Variants in AVEN observed in about 807,000 individuals in gnomAD.
AVEN encodes cell death regulator Aven.
In AVEN, 41 loss-of-function variants were observed where a neutral mutation model predicts 38.1. The ratio of observed to expected loss-of-function variants is 1.08; its 90% confidence interval spans 0.84 to 1.40. The LOEUF (loss-of-function observed/expected upper bound fraction) is 1.40, where lower values mean the gene tolerates loss of function less well. AVEN is among the 40% of genes most tolerant of loss of function. The probability of loss-of-function intolerance (pLI) is 0.00; values close to 1 mark genes in which losing one functional copy is unlikely to be tolerated. For missense variants in AVEN, 605 were observed against 438.8 expected (o/e 1.38, Z -3.38); for synonymous variants, 206 against 171.8 (o/e 1.20, Z -1.56).
intron 1 of AVEN, among the ~76,000 whole-genome samples, chr15:34,024,592 T>C (rs1015895327): frequency 1.3e-5 from 2 of 150,740 alleles, no homozygotes; most frequent in Non-Finnish European, 3.0e-5. Flanking sequence ...GTGGCTCACA[T>C]CTGTAATCCC....
downstream of AVEN, chr15:33,866,140 G>T (rs1597159526): frequency 6.0e-6 from 1 of 168,030 alleles, no homozygotes; most frequent in East Asian, 1.7e-4. Context: ...ACCACTTCTG[G>T]TTGATTCTAC....
intron 5 of AVEN, among the ~76,000 whole-genome samples, chr15:34,052,278 G>C (rs763907718): frequency 6.6e-6 from 1 of 152,004 alleles, no homozygotes; most frequent in African/African-American, 2.4e-5. Flanking sequence ...TGCAGAAAAG[G>C]CTTTGAAAAA....
chr15:33,998,357 G>A (rs1303804706), intron 2 of AVEN, among the ~76,000 whole-genome samples: 2 of 152,144 alleles, frequency 1.3e-5, no homozygotes, highest in African/African-American at 2.4e-5. Context: ...CAAGCATAGT[G>A]GCTGACATCA....
At chr15:33,980,479 T>G (rs1216783409) in intron 2 of AVEN, among the ~76,000 whole-genome samples, 1 of 152,306 alleles carries the variant, frequency 6.6e-6, no homozygotes, top group East Asian at 1.9e-4. Flanking sequence ...GTCCTCTGAT[T>G]TCTCTTGTTG....
chr15:33,925,820 A>AT lies in AVEN; in HGVS notation c.446-49826dup, dbSNP rs1893586600. 2.0e-5 allele frequency among the ~76,000 whole-genome samples: 3 copies of AT among 152,154 alleles called. No individual in the cohort carries two copies. In the South Asian group the frequency reaches 6.2e-4, roughly 31 times the overall value. ...TGGAAAGTTTTTATAATTATATTTT[A>AT]TTTACCTTTAAAGACTGAAATCCTA... On this transcript the variant is annotated intron_variant, in intron 2 of 5. Transcript: ENST00000306730.
intron 1 of AVEN, among the ~76,000 whole-genome samples, chr15:34,037,826 T>C (rs1384409712): frequency 2.0e-5 from 3 of 152,186 alleles, no homozygotes; most frequent in African/African-American, 7.2e-5. Flanking sequence ...TTATCTGCTA[T>C]GCCCTCAAGA....
At chr15:34,054,319 C>T (rs1900048109) in intron 5 of AVEN, among the ~76,000 whole-genome samples, 1 of 152,166 alleles carries the variant, frequency 6.6e-6, no homozygotes. Context: ...CTAGTAATCT[C>T]ATTACTGAGT....
intron 2 of AVEN, among the ~76,000 whole-genome samples, chr15:34,067,799 A>G (rs1029194334): frequency 1.3e-5 from 2 of 152,178 alleles, no homozygotes; most frequent in Non-Finnish European, 2.9e-5. Flanking sequence ...TTCCTTGTCA[A>G]CTATTTAAAG....
At chr15:34,048,211 T>G (rs1215591326) in intron 5 of AVEN, among the ~76,000 whole-genome samples, 1 of 152,226 alleles carries the variant, frequency 6.6e-6, no homozygotes, top group Non-Finnish European at 1.5e-5. Flanking sequence ...GATCCATTCC[T>G]CCTCACTGGG....
intron 2 of AVEN, among the ~76,000 whole-genome samples, chr15:33,903,674 C>A (rs1358258395): frequency 1.3e-5 from 2 of 152,030 alleles, no homozygotes; most frequent in Admixed American, 6.6e-5. Flanking sequence ...TTGTATAGAT[C>A]TTAACTGAAT....
At chr15:33,893,275 A>C (rs1892064743) in intron 2 of AVEN, among the ~76,000 whole-genome samples, 1 of 152,246 alleles carries the variant, frequency 6.6e-6, no homozygotes, top group Non-Finnish European at 1.5e-5. Flanking sequence ...GAGTGGTGAC[A>C]GAGGGCATCC....
At chr15:33,879,621 T>C (rs943938398) in intron 2 of AVEN, among the ~76,000 whole-genome samples, 7 of 152,096 alleles carry the variant, frequency 4.6e-5, no homozygotes, top group African/African-American at 1.7e-4. Flanking sequence ...TCCAACAACC[T>C]TGAATTCTTT....
chr15:33,864,215 G>C, downstream of AVEN: 1 of 1,571,526 alleles, frequency 6.4e-7, no homozygotes, highest in Admixed American at 1.7e-5. Flanking sequence ...TCATATACCC[G>C]TGTTAGATCT....
At chr15:33,862,897 G>C (rs540672456), downstream of AVEN, among the ~76,000 whole-genome samples, 1 of 152,216 alleles carries the variant, frequency 6.6e-6, no homozygotes, top group East Asian at 1.9e-4. Context: ...AATTAGAGGC[G>C]TGAGCCATCA....
chr15:33,909,988 CTTG>C, intron 2 of AVEN, among the ~76,000 whole-genome samples: 2 of 151,966 alleles, frequency 1.3e-5, no homozygotes, highest in South Asian at 4.2e-4. Flanking sequence ...ATTAGCTGGG[CTTG>C]GTGGTGGACA....
chr15:34,047,277 C>T (rs866490626), intron 5 of AVEN, among the ~76,000 whole-genome samples: 87 of 152,228 alleles, frequency 5.7e-4, no homozygotes, highest in African/African-American at 2.0e-3. Flanking sequence ...CGGGGTTTCA[C>T]CGTGTTAGCC....
chr15:33,918,331 CTAA>C (rs1407054620), intron 2 of AVEN, among the ~76,000 whole-genome samples: 12 of 152,006 alleles, frequency 7.9e-5, no homozygotes, highest in East Asian at 1.9e-4. Context: ...TAAAATCAAA[CTAA>C]TAATAGGAAC....
chr15:33,893,129 T>G (rs988510378), intron 2 of AVEN, among the ~76,000 whole-genome samples: 2 of 152,278 alleles, frequency 1.3e-5, no homozygotes, highest in South Asian at 2.1e-4. Flanking sequence ...GCTGAGACAA[T>G]GGGGTTTTCT....
downstream of AVEN, among the ~76,000 whole-genome samples, chr15:33,857,505 G>C (rs2079816494): frequency 6.6e-6 from 1 of 152,106 alleles, no homozygotes; most frequent in Admixed American, 6.6e-5. Context: ...CTGGAGGCCA[G>C]GACCTCAGCA....
Sources: allele counts gnomAD v4.1 joint callset (sites outside exome capture counted in the v4.1 genomes callset), GRCh38; gene constraint gnomAD v4.1.1; transcripts MANE v1.5; gene names NCBI Gene and HGNC (gene_info 2026-07-23, HGNC 2026-07-21).